FAM13C: variants seen among roughly 807,000 people sequenced by gnomAD.
FAM13C encodes family with sequence similarity 13 member C.
Under a neutral mutation model 73.2 loss-of-function variants are expected in FAM13C, and 37 were observed. The ratio of observed to expected loss-of-function variants is 0.51; its 90% CI spans 0.39 to 0.67. The LOEUF (loss-of-function observed/expected upper bound fraction) is 0.67, where lower values mean the gene tolerates loss of function less well. Among genes scored for constraint, FAM13C ranks in the 30% least tolerant of loss-of-function variants. The pLI is 0.00. For synonymous variants in FAM13C, 246 were observed against 260.9 expected, an observed-to-expected ratio of 0.94 and a Z score of 0.55; for missense variants, 589 against 715.6, an observed-to-expected ratio of 0.82 and a Z score of 2.02.
intron 13 of FAM13C, among the ~76,000 whole-genome samples, chr10:59,248,164 T>A (rs1264696388): frequency 6.6e-6 from 1 of 152,180 alleles, no homozygotes; most frequent in East Asian, 1.9e-4. Flanking sequence ...CTACAGGAAT[T>A]TCATTATAAA....
At chr10:59,310,172 C>G (rs1303159130) in intron 4 of FAM13C, among the ~76,000 whole-genome samples, 2 of 152,180 alleles carry the variant, frequency 1.3e-5, no homozygotes, top group Non-Finnish European at 2.9e-5. Context: ...CCCATCACAT[C>G]TTCAGAATTC....
At chr10:59,355,817 A>T in intron 2 of FAM13C, 70 bp downstream of exon 2, 1 of 1,393,460 alleles carries the variant, frequency 7.2e-7, no homozygotes, top group Middle Eastern at 1.9e-4. Flanking sequence ...ACTAGAATTC[A>T]AAGGAAAGCC....
intron 3 of FAM13C, among the ~76,000 whole-genome samples, chr10:59,336,271 GA>G (rs971432750): frequency 8.5e-5 from 13 of 152,196 alleles, no homozygotes; most frequent in Admixed American, 7.2e-4. Context: ...TATTTTTTAA[GA>G]AAAACATAAT....
intron 5 of FAM13C, 97 bp from the exon 6 acceptor site, chr10:59,283,544 G>T (rs1355525169): frequency 1.7e-6 from 2 of 1,168,848 alleles, no homozygotes; most frequent in Non-Finnish European, 2.6e-6. Context: ...GGCCAGCTAA[G>T]TAGATGCCTA....
At chr10:59,329,488 T>C (rs1266254122) in intron 3 of FAM13C, among the ~76,000 whole-genome samples, 2 of 151,548 alleles carry the variant, frequency 1.3e-5, no homozygotes, top group Non-Finnish European at 2.9e-5. Flanking sequence ...GCCTCCTGAA[T>C]AGCTGGGATT....
Position 59,262,662 on chromosome 10 carries a change from G to C in FAM13C, c.1025-17C>G, listed in dbSNP as rs1842628207. 1 of 1,605,366 alleles carries C rather than the reference G, an allele frequency of 6.2e-7. No homozygotes were observed. The highest frequency in any genetic ancestry group is 1.3e-5 in the African/African-American group (1 of 74,504). On this transcript the variant is annotated splice_polypyrimidine_tract_variant and intron_variant, in intron 9 of 13. Transcript: ENST00000618804. ...GCTTTAGTTCTAAGAGAAATGCTAT[G>C]AGTTATCATAAGCAAAGAGAACCCA... is the stretch of plus-strand genomic sequence containing the variant.
intron 6 of FAM13C, among the ~76,000 whole-genome samples, chr10:59,276,191 G>A (rs770691411): frequency 1.3e-5 from 2 of 152,116 alleles, no homozygotes; most frequent in African/African-American, 4.8e-5. Flanking sequence ...CTTTTGCTTA[G>A]GAGAATAAGT....
chr10:59,274,287 A>C (rs1256387733), intron 6 of FAM13C, among the ~76,000 whole-genome samples: 1 of 152,208 alleles, frequency 6.6e-6, no homozygotes, highest in Non-Finnish European at 1.5e-5. Flanking sequence ...AGGGTTAGCT[A>C]TATGGTTAGG....
At chr10:59,283,742 G>A (rs1284066100) in intron 5 of FAM13C, 4 of 546,220 alleles carry the variant, frequency 7.3e-6, no homozygotes, top group Middle Eastern at 4.8e-4. Context: ...TGTGACACAT[G>A]GGACTGGTGA....
chr10:59,296,115 A>G (rs1187542953), intron 5 of FAM13C, among the ~76,000 whole-genome samples: 1 of 152,228 alleles, frequency 6.6e-6, no homozygotes, highest in Non-Finnish European at 1.5e-5. Context: ...TTAAAGGCCT[A>G]GGAAGCCTCT....
chr10:59,304,214 T>A (rs1449048424), intron 4 of FAM13C, among the ~76,000 whole-genome samples: 1 of 152,192 alleles, frequency 6.6e-6, no homozygotes, highest in Non-Finnish European at 1.5e-5. Context: ...TTGGTTTTTT[T>A]CTTGTAGATT....
intron 4 of FAM13C, among the ~76,000 whole-genome samples, chr10:59,312,253 G>A (rs1037768683): frequency 3.9e-5 from 6 of 152,178 alleles, no homozygotes. Flanking sequence ...AATCAGGTTA[G>A]CTCTTGGAAC....
chr10:59,359,823 C>G (rs1348569860), intron 1 of FAM13C, among the ~76,000 whole-genome samples: 2 of 152,198 alleles, frequency 1.3e-5, no homozygotes, highest in Non-Finnish European at 2.9e-5. Flanking sequence ...GTCCCCTTCC[C>G]CAGTTGATAT....
At chr10:59,326,757 T>C (rs543974330) in intron 3 of FAM13C, among the ~76,000 whole-genome samples, 78 of 152,326 alleles carry the variant, frequency 5.1e-4, no homozygotes, top group African/African-American at 1.8e-3. Context: ...TTCTAATTTC[T>C]AGGCTTTAAG....
At chr10:59,268,175 A>C (rs1251997655) in intron 8 of FAM13C, among the ~76,000 whole-genome samples, 1 of 151,986 alleles carries the variant, frequency 6.6e-6, no homozygotes, top group Admixed American at 6.6e-5. Context: ...ATCTTTAATA[A>C]GTTCTTATCA....
chr10:59,319,674 G>C (rs1299124847), intron 4 of FAM13C, among the ~76,000 whole-genome samples: 5 of 152,136 alleles, frequency 3.3e-5, no homozygotes, highest in Non-Finnish European at 7.3e-5. Context: ...TACTAATCTT[G>C]GTTCTATTAG....
rs563832808 is a variant in FAM13C at position 59,274,635 on chromosome 10, G to A, written c.593-4526C>T. 1.9e-4 allele frequency among the ~76,000 whole-genome samples: 29 copies of A among 152,308 alleles called. No individual in the cohort carries two copies. The South Asian group carries it at 6.0e-3, about 32-fold the overall frequency. ...AGTTTGCCATAATGGATAAAAACAC[G>A]AGCCACAGGCTCAGGAAGACCCAGA... On this transcript the variant is annotated intron_variant, in intron 6 of 13. Coordinates refer to ENST00000618804, the MANE Select transcript of FAM13C (RefSeq NM_198215.4).
chr10:59,346,376 G>A (rs889317325), intron 3 of FAM13C, among the ~76,000 whole-genome samples: 4 of 152,126 alleles, frequency 2.6e-5, no homozygotes, highest in Non-Finnish European at 4.4e-5. Flanking sequence ...TAAAAATGAA[G>A]ATTTCACAAT....
At chr10:59,320,270 C>T (rs1850040592) in intron 4 of FAM13C, among the ~76,000 whole-genome samples, 1 of 152,130 alleles carries the variant, frequency 6.6e-6, no homozygotes, top group Admixed American at 6.5e-5. Flanking sequence ...AATAGTTTAA[C>T]TTTGTACAAG....
Sources: gnomAD v4.1 joint callset for allele counts (sites outside exome capture counted in the v4.1 genomes callset) on GRCh38, gnomAD v4.1.1 for gene constraint, MANE v1.5 for transcripts, NCBI Gene and HGNC (gene_info 2026-07-23, HGNC 2026-07-21) for gene names.